STPG2: variants seen among roughly 807,000 people sequenced by gnomAD.
STPG2 encodes sperm-tail PG-rich repeat-containing protein 2.
A neutral mutation model predicts 54.2 loss-of-function variants in STPG2; 56 were observed. The observed-to-expected ratio is 1.03, with a 90% CI of 0.83 to 1.29. The LOEUF (loss-of-function observed/expected upper bound fraction) is 1.29, where lower values mean the gene tolerates loss of function less well. STPG2 is among the 50% of genes most tolerant of loss of function. STPG2 has a pLI of 0.00. For missense variants in STPG2, 596 were observed against 544.9 expected, an observed-to-expected ratio of 1.09 and a Z score of -0.93; for synonymous variants, 200 against 181.8, an observed-to-expected ratio of 1.10 and a Z score of -0.81.
intron 5 of STPG2, among the ~76,000 whole-genome samples, chr4:98,020,887 C>T (rs539727825): frequency 1.5e-4 from 23 of 151,910 alleles, no homozygotes; most frequent in Admixed American, 4.6e-4. Flanking sequence ...TTTTTTATTG[C>T]GTCTATTTGA....
At chr4:97,911,239 A>T (rs994235292) in intron 8 of STPG2, among the ~76,000 whole-genome samples, 11 of 152,088 alleles carry the variant, frequency 7.2e-5, no homozygotes, top group African/African-American at 2.7e-4. Flanking sequence ...TGGCACACAC[A>T]GAAACACAGG....
intron 4 of STPG2, among the ~76,000 whole-genome samples, chr4:97,529,968 T>C (rs911694840): frequency 6.6e-6 from 1 of 152,194 alleles, no homozygotes; most frequent in East Asian, 1.9e-4. Flanking sequence ...ACTTCTATTA[T>C]TTATTTTTCT....
chr4:97,972,492 C>T, intron 6 of STPG2, 52 bp from the exon 7 acceptor site: 1 of 1,059,422 alleles, frequency 9.4e-7, no homozygotes, highest in Non-Finnish European at 1.3e-6. Context: ...TTTATATGCA[C>T]CTTTTGAACT....
intron 4 of STPG2, among the ~76,000 whole-genome samples, chr4:97,499,814 C>A (rs1048367962): frequency 2.0e-5 from 3 of 151,774 alleles, no homozygotes; most frequent in Non-Finnish European, 4.4e-5. Context: ...CAAGGGCAGG[C>A]GTGAGAAACA....
At chr4:97,465,302 T>C (rs1729762409) in intron 4 of STPG2, among the ~76,000 whole-genome samples, 1 of 152,196 alleles carries the variant, frequency 6.6e-6, no homozygotes, top group Admixed American at 6.5e-5. Flanking sequence ...TTACTGCAAC[T>C]TGTTTTTAGA....
At chr4:97,920,100 G>A (rs1371769477) in intron 8 of STPG2, among the ~76,000 whole-genome samples, 4 of 152,146 alleles carry the variant, frequency 2.6e-5, no homozygotes, top group Non-Finnish European at 4.4e-5. Flanking sequence ...CCAAAAACTC[G>A]ATTATGGTGC....
intron 5 of STPG2, among the ~76,000 whole-genome samples, chr4:98,050,449 T>TTA (rs574691590): frequency 2.6e-5 from 4 of 151,694 alleles, no homozygotes; most frequent in Admixed American, 6.6e-5. Flanking sequence ...TTTTATTTTT[T>TTA]AAAAAAAAGG....
chr4:97,807,727 T>C (rs1482563862), intron 9 of STPG2, among the ~76,000 whole-genome samples: 1 of 151,806 alleles, frequency 6.6e-6, no homozygotes, highest in African/African-American at 2.4e-5. Context: ...AGAAGAGATA[T>C]ACTGACTAAG....
intron 7 of STPG2, among the ~76,000 whole-genome samples, chr4:97,965,487 G>A (rs777248369): frequency 1.3e-5 from 2 of 152,176 alleles, no homozygotes; most frequent in Non-Finnish European, 2.9e-5. Context: ...GAAGAGAGCA[G>A]TGGTTCTCCC....
intron 8 of STPG2, among the ~76,000 whole-genome samples, chr4:97,843,527 C>T (rs1728861197): frequency 6.6e-6 from 1 of 151,892 alleles, no homozygotes. Context: ...TTGCCATTGG[C>T]ATTAATATCT....
chr4:97,495,558 A>G (rs1730592242), intron 4 of STPG2, among the ~76,000 whole-genome samples: 1 of 151,420 alleles, frequency 6.6e-6, no homozygotes, highest in Non-Finnish European at 1.5e-5. Context: ...GGTTTGAAAA[A>G]AATAGATCTC....
chr4:97,903,796 G>C (rs1024064346), intron 8 of STPG2, among the ~76,000 whole-genome samples: 8 of 152,230 alleles, frequency 5.3e-5, no homozygotes, highest in Admixed American at 5.2e-4. Flanking sequence ...GGAAGCGCAA[G>C]GGGTCAGGGA....
In STPG2 at chr4:98,053,907, T is replaced by C. The variant is rs572496603; in HGVS notation, c.612+52046A>G. Among the ~76,000 whole-genome samples, 642 of 152,268 alleles carry C rather than the reference T, an allele frequency of 4.2e-3. 3 individuals carry two copies. Among genetic ancestry groups the C allele is most frequent in the South Asian group, 0.024 (118 of 4,822 alleles). ...GATGATATGCTTCTAATAAATAAAC[T>C]ACTAAAGACTTTTAAATTAGTCCTG... On this transcript the variant is annotated intron_variant, in intron 5 of 10. Coordinates refer to ENST00000295268, the MANE Select transcript of STPG2 (RefSeq NM_174952.3).
At chr4:97,562,728 A>C (rs1732291963) in intron 10 of STPG2, among the ~76,000 whole-genome samples, 1 of 151,986 alleles carries the variant, frequency 6.6e-6, no homozygotes, top group African/African-American at 2.4e-5. Flanking sequence ...GCTTCTGTTT[A>C]TATGCTGGAT....
chr4:98,141,276 T>C (rs192047468), intron 1 of STPG2, among the ~76,000 whole-genome samples: 3 of 152,308 alleles, frequency 2.0e-5, no homozygotes, highest in Admixed American at 1.3e-4. Context: ...CTGCAAAGTC[T>C]CTTGTGGGAA....
At chr4:97,657,819 G>T (rs1428023769) in intron 10 of STPG2, among the ~76,000 whole-genome samples, 1 of 152,148 alleles carries the variant, frequency 6.6e-6, no homozygotes, top group East Asian at 1.9e-4. Context: ...AGAATGTTAT[G>T]CAAAGACATG....
At chr4:97,967,460 G>T (rs1025142237) in intron 7 of STPG2, among the ~76,000 whole-genome samples, 1 of 152,084 alleles carries the variant, frequency 6.6e-6, no homozygotes, top group African/African-American at 2.4e-5. Context: ...GAGACAGAAG[G>T]TTAACAAGGA....
chr4:97,455,985 C>G (rs1024410169), intron 4 of STPG2, among the ~76,000 whole-genome samples: 1 of 152,084 alleles, frequency 6.6e-6, no homozygotes, highest in Admixed American at 6.5e-5. Flanking sequence ...TTTCCCGTGT[C>G]AATATTTTAC....
At chr4:98,082,288 C>T (rs1239357488) in intron 5 of STPG2, among the ~76,000 whole-genome samples, 1 of 152,002 alleles carries the variant, frequency 6.6e-6, no homozygotes, top group African/African-American at 2.4e-5. Context: ...GAAGGAGCAA[C>T]TCAAGACCTT....
Sources: allele counts gnomAD v4.1 joint callset (sites outside exome capture counted in the v4.1 genomes callset), GRCh38; gene constraint gnomAD v4.1.1; transcripts MANE v1.5; gene names NCBI Gene and HGNC (gene_info 2026-07-23, HGNC 2026-07-21).